Variants in CCDC7 observed in about 807,000 individuals in gnomAD.
CCDC7 encodes the protein coiled-coil domain-containing protein 7.
Under a neutral mutation model 196.9 loss-of-function variants are expected in CCDC7, and 183 were observed. That is an observed-to-expected ratio of 0.93 (90% confidence interval 0.82 to 1.05). The LOEUF (loss-of-function observed/expected upper bound fraction) is 1.05, where lower values mean the gene tolerates loss of function less well. Among genes scored for constraint, CCDC7 ranks in the 50% least tolerant of loss-of-function variants. The pLI, the probability that CCDC7 is intolerant of heterozygous loss-of-function variation, is 0.00. For missense variants in CCDC7, 1,540 were observed against 1,482.2 expected (o/e 1.04, Z -0.64); for synonymous variants, 525 against 484.6 (o/e 1.08, Z -1.10).
chr10:32,668,775 G>A (rs1194432204), intron 21 of CCDC7, among the ~76,000 whole-genome samples: 1 of 152,106 alleles, frequency 6.6e-6, no homozygotes, highest in East Asian at 1.9e-4. Flanking sequence ...CGGTTTGACA[G>A]TATTTTATTG....
At chr10:32,577,770 G>C (rs190491595) in intron 16 of CCDC7, among the ~76,000 whole-genome samples, 38 of 152,232 alleles carry the variant, frequency 2.5e-4, no homozygotes, top group Middle Eastern at 3.4e-3. Flanking sequence ...TAATTGATTG[G>C]ATGTGCTATA....
At position 32,829,677 on chromosome 10, in the gene CCDC7, C is replaced by T. The variant is rs1232596908; in HGVS notation, c.3268+5073C>T. ...TATGTATGATCTCAGGAGATGTGTACGGGTTCAAATTGACAAGGGATGGAC... is the reference window on the plus strand; with the variant it reads ...TATGTATGATCTCAGGAGATGTGTATGGGTTCAAATTGACAAGGGATGGAC... On this transcript the variant is annotated intron_variant, in intron 32 of 41. Coordinates refer to ENST00000639629, the Ensembl canonical transcript of CCDC7. Among the ~76,000 whole-genome samples the T allele has an allele frequency of 1.4e-4, 22 of 151,862 alleles. No individual in the cohort carries two copies. In the East Asian group the frequency reaches 1.5e-3, roughly 11 times the overall value.
At chr10:32,711,642 A>G (rs2080857139) in exon 25 of CCDC7, 2 of 1,590,216 alleles carry the variant, frequency 1.3e-6, no homozygotes, top group East Asian at 4.6e-5. Context: ...AATCAGGTGA[A>G]AATCCTATGC....
chr10:32,564,383 AG>A (rs1367951589), intron 13 of CCDC7, among the ~76,000 whole-genome samples: 1 of 152,190 alleles, frequency 6.6e-6, no homozygotes, highest in Non-Finnish European at 1.5e-5. Context: ...TCACAATAGC[AG>A]AGACTTGGAA....
intron 16 of CCDC7, among the ~76,000 whole-genome samples, chr10:32,574,008 A>G (rs902467911): frequency 6.6e-6 from 1 of 152,184 alleles, no homozygotes; most frequent in Non-Finnish European, 1.5e-5. Flanking sequence ...ACATCAAAGA[A>G]GAGGAAAAGC....
upstream of CCDC7, among the ~76,000 whole-genome samples, chr10:32,448,287 C>G (rs72793595): frequency 0.11 from 16,015 of 151,724 alleles, 1,053 homozygotes; most frequent in South Asian, 0.25. Flanking sequence ...GCATGTATCC[C>G]TGGCCCCATA....
intron 13 of CCDC7, among the ~76,000 whole-genome samples, chr10:32,559,981 G>C (rs928639534): frequency 5.3e-5 from 8 of 152,164 alleles, no homozygotes; most frequent in African/African-American, 1.4e-4. Context: ...GCTTAAAGGA[G>C]CTGATGGAGC....
intron 20 of CCDC7, among the ~76,000 whole-genome samples, chr10:32,649,750 T>G (rs946117213): frequency 1.3e-5 from 2 of 152,260 alleles, no homozygotes; most frequent in Non-Finnish European, 2.9e-5. Context: ...CTGAGTTGAT[T>G]CATAGAACCA....
At position 32,707,512 on chromosome 10, in the gene CCDC7, G is replaced by A. The variant is rs184503644; in HGVS notation, c.2459-4108G>A. 3.3e-4 allele frequency among the ~76,000 whole-genome samples: 50 copies of A among 152,280 alleles called. No homozygotes were observed. In the East Asian group the frequency reaches 9.1e-3, roughly 28 times the overall value. ...AAGGAAATAAAAGGTATTCAATTAG[G>A]AAAAGAGGAAGTCAAATTATCCCTG... On this transcript the variant is annotated intron_variant, in intron 24 of 41. Coordinates refer to ENST00000639629, the Ensembl canonical transcript of CCDC7.
At chr10:32,705,486 A>G (rs1475406466) in intron 24 of CCDC7, among the ~76,000 whole-genome samples, 2 of 152,136 alleles carry the variant, frequency 1.3e-5, no homozygotes, top group Non-Finnish European at 2.9e-5. Context: ...CTTAAATGTA[A>G]ATGGGCTAAA....
chr10:32,659,815 C>T (rs1252234627), intron 20 of CCDC7, among the ~76,000 whole-genome samples: 1 of 152,000 alleles, frequency 6.6e-6, no homozygotes, highest in African/African-American at 2.4e-5. Flanking sequence ...ACTAAAAAGC[C>T]CAAAAAGAAC....
intron 29 of CCDC7, among the ~76,000 whole-genome samples, chr10:32,788,228 C>T (rs2082157045): frequency 6.6e-6 from 1 of 151,958 alleles, no homozygotes; most frequent in Non-Finnish European, 1.5e-5. Context: ...AAAACTCAGG[C>T]TTCACATGTA....
At chr10:32,707,360 TATC>T (rs1240428523) in intron 24 of CCDC7, among the ~76,000 whole-genome samples, 1 of 152,132 alleles carries the variant, frequency 6.6e-6, no homozygotes, top group Non-Finnish European at 1.5e-5. Context: ...CCACAGCCAA[TATC>T]ATACTGAGTG....
intron 8 of CCDC7, among the ~76,000 whole-genome samples, chr10:32,487,483 C>G (rs1022037651): frequency 3.3e-5 from 5 of 152,210 alleles, no homozygotes; most frequent in African/African-American, 7.2e-5. Context: ...CTTCTCTCAA[C>G]TCGTCGAAGT....
intron 29 of CCDC7, among the ~76,000 whole-genome samples, chr10:32,795,540 C>T (rs989560045): frequency 6.6e-6 from 1 of 152,074 alleles, no homozygotes; most frequent in African/African-American, 2.4e-5. Context: ...GGAAAACTCT[C>T]ATCATCTCAT....
intron 35 of CCDC7, 100 bp from the exon 37 acceptor site, chr10:32,845,768 TACACACAC>T (rs145287806): frequency 1.3e-3 from 995 of 748,204 alleles, no homozygotes; most frequent in East Asian, 2.3e-3. Context: ...CTTCCATAAT[TACACACAC>T]ACACACACAC....
intron 9 of CCDC7, chr10:32,499,102 T>C (rs1382469537): frequency 6.7e-5 from 10 of 150,088 alleles, no homozygotes; most frequent in African/African-American, 9.8e-5. Context: ...TTTTTTTTTT[T>C]CCAGGAGGAA....
chr10:32,473,818 G>T, intron 7 of CCDC7, 149 bp from the exon 9 acceptor site: 1 of 617,610 alleles, frequency 1.6e-6, no homozygotes, highest in Non-Finnish European at 2.6e-6. Context: ...TACCTGATTA[G>T]GAAGATCTGC....
At position 32,494,758 on chromosome 10, in the gene CCDC7, G is replaced by T. The variant is rs533816332; in HGVS notation, c.872+2761G>T. ...TTTTATGGCTGCATAGTATTCCATG[G>T]TGTATATGTGCCACATTTGCTTTAT... On this transcript the variant is annotated intron_variant, in intron 9 of 41. Coordinates refer to ENST00000639629, the Ensembl canonical transcript of CCDC7. Among the ~76,000 whole-genome samples, 32 of 152,100 alleles carry T rather than the reference G, an allele frequency of 2.1e-4. No individual in the cohort carries two copies. In the East Asian group the frequency reaches 6.2e-3, roughly 29 times the overall value.
Sources: gnomAD v4.1 joint callset for allele counts (sites outside exome capture counted in the v4.1 genomes callset) on GRCh38, gnomAD v4.1.1 for gene constraint, MANE v1.5 for transcripts, NCBI Gene and HGNC (gene_info 2026-07-23, HGNC 2026-07-21) for gene names.